GATAD2A: variants seen among roughly 807,000 people sequenced by gnomAD.
GATAD2A encodes the protein transcriptional repressor p66-alpha.
In GATAD2A, 12 loss-of-function variants were observed where a neutral mutation model predicts 68.5. That is an observed-to-expected ratio of 0.18 (90% CI 0.11 to 0.28). The LOEUF is 0.28. GATAD2A is among the 10% of genes least tolerant of loss of function. The pLI is 1.00. For missense variants in GATAD2A, 755 were observed against 868.5 expected (o/e 0.87, Z 1.64); for synonymous variants, 410 against 375.3 (o/e 1.09, Z -1.07).
chr19:19,405,936 CGCCGCCCGGCCCCGCG>C lies in GATAD2A; in HGVS notation c.-88_-73del, dbSNP rs1261331316. 14 of 147,412 alleles carry C rather than the reference CGCCGCCCGGCCCCGCG, an allele frequency of 9.5e-5. No homozygotes were observed. The highest frequency in any genetic ancestry group is 4.7e-4 in the Admixed American group (7 of 14,838). The allele number at this position is 147,412 out of a possible 1,614,324, so 9.1% of individuals were successfully genotyped here. A position where few individuals can be genotyped will look rare whatever the true frequency, so the allele number is the denominator to read the frequency against. On this transcript the variant is annotated 5_prime_UTR_variant, in exon 1 of 12. An upstream open reading frame in the 5' UTR gains an earlier in-frame stop. Transcript: ENST00000683918. ...CGCGGCCCGGCGTCCCCGGCCCCTC[CGCCGCCCGGCCCCGCG>C]GGCGACCCCGGACCAGCAGCCCCCG...
intron 2 of GATAD2A, among the ~76,000 whole-genome samples, chr19:19,488,335 C>T (rs1850094134): frequency 6.6e-6 from 1 of 152,210 alleles, no homozygotes; most frequent in Non-Finnish European, 1.5e-5. Context: ...CCACTGCCTG[C>T]TATAGCACCT....
chr19:19,387,026 C>G (rs2048483457), intron 1 of GATAD2A, among the ~76,000 whole-genome samples: 2 of 152,080 alleles, frequency 1.3e-5, no homozygotes, highest in Admixed American at 6.5e-5. Context: ...GAGGGGAATC[C>G]CCATCTCTCT....
At chr19:19,496,586 C>T (rs957583409) in intron 7 of GATAD2A, among the ~76,000 whole-genome samples, 1 of 152,168 alleles carries the variant, frequency 6.6e-6, no homozygotes, top group Non-Finnish European at 1.5e-5. Flanking sequence ...GGTGATGGGC[C>T]CGGAGATGCC....
At chr19:19,397,289 C>T (rs1457695060) in intron 1 of GATAD2A, among the ~76,000 whole-genome samples, 1 of 152,140 alleles carries the variant, frequency 6.6e-6, no homozygotes, top group Non-Finnish European at 1.5e-5. Context: ...GTTGCCCAGG[C>T]TGGAGTGCAA....
At chr19:19,405,613 C>T (rs1240631131), upstream of GATAD2A, among the ~76,000 whole-genome samples, 1 of 151,876 alleles carries the variant, frequency 6.6e-6, no homozygotes, top group African/African-American at 2.4e-5. Context: ...GGCCCGCCTT[C>T]TACGCCTGGA....
At chr19:19,432,549 G>T (rs1400647849) in intron 1 of GATAD2A, among the ~76,000 whole-genome samples, 2 of 152,138 alleles carry the variant, frequency 1.3e-5, no homozygotes, top group Admixed American at 1.3e-4. Context: ...GATCCACCCC[G>T]CCTCAGCCTC....
intron 1 of GATAD2A, among the ~76,000 whole-genome samples, chr19:19,398,965 A>G (rs920663116): frequency 2.6e-5 from 4 of 152,158 alleles, no homozygotes; most frequent in Non-Finnish European, 5.9e-5. Context: ...AGGCTGAGGC[A>G]GGAGAATCGC....
At chr19:19,501,089 G>A in intron 8 of GATAD2A, 29 bp from the exon 9 acceptor site, 1 of 1,592,536 alleles carries the variant, frequency 6.3e-7, no homozygotes, top group Non-Finnish European at 8.6e-7. Context: ...CTGGCCCTCT[G>A]ACGTGAGCCA....
rs1568348694 is a variant in GATAD2A at position 19,506,401 on chromosome 19, AT to A, written c.*933del. ...TTTCTGTTGTGGTTTATTTTATTAA[AT>A]TTTTTCCTTTTTTCTATTCATTTCG... On this transcript the variant is annotated 3_prime_UTR_variant, in exon 12 of 12. Coordinates refer to ENST00000683918, the MANE Select transcript of GATAD2A (RefSeq NM_001384528.1). The A allele has an allele frequency of 2.7e-6, 1 of 376,514 alleles. No homozygotes were observed. The highest frequency in any genetic ancestry group is 4.7e-6 in the Non-Finnish European group (1 of 213,312). 23.3% of individuals were successfully genotyped at this position (376,514 alleles called of 1,614,324 possible). A position where few individuals can be genotyped will look rare whatever the true frequency, so the allele number is the denominator to read the frequency against.
chr19:19,495,673 A>C, intron 5 of GATAD2A, 81 bp from the exon 6 acceptor site: 6 of 961,818 alleles, frequency 6.2e-6, no homozygotes, highest in Non-Finnish European at 8.7e-6. Context: ...GTACTTTCAT[A>C]AAAGCAGCAA....
At chr19:19,400,499 A>G (rs1252361657) in intron 1 of GATAD2A, among the ~76,000 whole-genome samples, 1 of 152,180 alleles carries the variant, frequency 6.6e-6, no homozygotes, top group Non-Finnish European at 1.5e-5. Flanking sequence ...CTCTTGATCT[A>G]GTGTGAGAAT....
In GATAD2A at chr19:19,505,474, G is replaced by A; in HGVS notation, c.1905G>A (p.Ter635=). The A allele has an allele frequency of 6.3e-7, 1 of 1,588,530 alleles. No individual in the cohort carries two copies. Among genetic ancestry groups the A allele is most frequent in the Non-Finnish European group, 8.6e-7 (1 of 1,166,946 alleles). Residue 635 remains the stop codon, a stop_retained_variant, in exon 12 of 12, where the codon TAG becomes TAA. Transcript: ENST00000683918. ...RSIPQSATWK[*] is the part of the protein sequence containing the mutation. The stretch of plus-strand genomic sequence containing the variant: ...TCCCCCAGTCAGCCACGTGGAAATA[G>A]TGCGAGCCAGGCCCCGTGGAAGACG...
Position 19,505,535 on chromosome 19 carries a change from A to G in GATAD2A, c.*61A>G. 1 of 1,442,014 alleles carries G rather than the reference A, an allele frequency of 6.9e-7. No individual in the cohort carries two copies. Among genetic ancestry groups the G allele is most frequent in the Non-Finnish European group, 9.3e-7 (1 of 1,070,128 alleles). 89.3% of individuals were successfully genotyped at this position (1,442,014 alleles called of 1,614,324 possible). Reference sequence around the variant, plus strand: ...TCCCCCACCTGGCCCCTGGTCTAGAAGGACCCACTGCACCACCCTCCGCTG... The same window carrying G: ...TCCCCCACCTGGCCCCTGGTCTAGAGGGACCCACTGCACCACCCTCCGCTG... On this transcript the variant is annotated 3_prime_UTR_variant, in exon 12 of 12. Coordinates refer to ENST00000683918, the MANE Select transcript of GATAD2A (RefSeq NM_001384528.1).
chr19:19,418,315 C>CGT (rs2051903703), intron 1 of GATAD2A, among the ~76,000 whole-genome samples: 1 of 152,178 alleles, frequency 6.6e-6, no homozygotes, highest in Non-Finnish European at 1.5e-5. Flanking sequence ...GATCCGTCCT[C>CGT]GTGTGTCCCC....
intron 1 of GATAD2A, among the ~76,000 whole-genome samples, chr19:19,448,315 C>T (rs978200589): frequency 3.9e-5 from 6 of 152,234 alleles, no homozygotes; most frequent in Non-Finnish European, 8.8e-5. Flanking sequence ...TCTCTGGGGC[C>T]GCAGGGTTGG....
At chr19:19,437,613 G>A (rs1157697383) in intron 1 of GATAD2A, among the ~76,000 whole-genome samples, 1 of 152,088 alleles carries the variant, frequency 6.6e-6, no homozygotes, top group Non-Finnish European at 1.5e-5. Context: ...CCTTTCTACT[G>A]ATGACCTCTA....
chr19:19,400,383 C>T (rs2146951938), intron 1 of GATAD2A, among the ~76,000 whole-genome samples: 1 of 152,260 alleles, frequency 6.6e-6, no homozygotes, highest in African/African-American at 2.4e-5. Flanking sequence ...AAAACAAACA[C>T]ACGTTGACAA....
upstream of GATAD2A, among the ~76,000 whole-genome samples, chr19:19,404,796 C>T (rs1215539573): frequency 1.3e-5 from 2 of 152,114 alleles, no homozygotes; most frequent in Non-Finnish European, 2.9e-5. Flanking sequence ...AGCATGTCAC[C>T]ACCACTCTTC....
At chr19:19,410,438 A>G (rs2050785224) in intron 1 of GATAD2A, among the ~76,000 whole-genome samples, 1 of 152,118 alleles carries the variant, frequency 6.6e-6, no homozygotes, top group South Asian at 2.1e-4. Context: ...GGGTGTGGCC[A>G]TGTGGTACAG....
Sources: gnomAD v4.1 joint callset for allele counts (sites outside exome capture counted in the v4.1 genomes callset) on GRCh38, gnomAD v4.1.1 for gene constraint, MANE v1.5 for transcripts, NCBI Gene and HGNC (gene_info 2026-07-23, HGNC 2026-07-21) for gene names.